Variants in VEZT observed in about 807,000 individuals in gnomAD.
The protein encoded by VEZT is vezatin.
A neutral mutation model predicts 79.9 loss-of-function variants in VEZT; 39 were observed. The ratio of observed to expected loss-of-function variants is 0.49; its 90% CI spans 0.38 to 0.64. The LOEUF (loss-of-function observed/expected upper bound fraction) is 0.64. Among genes scored for constraint, VEZT ranks in the 30% least tolerant of loss-of-function variants. The probability of loss-of-function intolerance (pLI) is 0.00; values close to 1 mark genes in which losing one functional copy is unlikely to be tolerated. For missense variants in VEZT, 837 were observed against 893.1 expected, an observed-to-expected ratio of 0.94 and a Z score of 0.80; for synonymous variants, 325 against 327.6, an observed-to-expected ratio of 0.99 and a Z score of 0.09.
intron 9 of VEZT, chr12:95,294,012 C>G: frequency 2.8e-6 from 1 of 353,486 alleles, no homozygotes; most frequent in Non-Finnish European, 5.4e-6. Flanking sequence ...CCTCAGCCTC[C>G]CAAGTAGCTG....
At chr12:95,267,721 C>T (rs76187104) in intron 5 of VEZT, among the ~76,000 whole-genome samples, 3,499 of 152,280 alleles carry the variant, frequency 0.023, 59 homozygotes, top group Non-Finnish European at 0.037. Flanking sequence ...TCTTTCTTCT[C>T]AATCAAAGTA....
At chr12:95,254,378 ACT>A (rs1320414124) in intron 2 of VEZT, among the ~76,000 whole-genome samples, 1 of 116,602 alleles carries the variant, frequency 8.6e-6, no homozygotes, top group Non-Finnish European at 1.6e-5. Flanking sequence ...ACGGAGTCTC[ACT>A]CTGTCGCCCA....
chr12:95,260,932 G>C lies in VEZT; in HGVS notation c.259-1974G>C, dbSNP rs575030199. Among the ~76,000 whole-genome samples the C allele has an allele frequency of 4.7e-5, 7 of 150,372 alleles. No individual in the cohort carries two copies. In the East Asian group the frequency reaches 9.7e-4, roughly 21 times the overall value. On this transcript the variant is annotated intron_variant, in intron 3 of 11. Coordinates refer to ENST00000436874, the MANE Select transcript of VEZT (RefSeq NM_017599.4). ...TGTTAGAATCAGAATTGTGGGAAGA[G>C]AGAAGAGGCAGTTGTTCAAATATGA... is the stretch of plus-strand genomic sequence containing the variant.
chr12:95,235,144 T>A (rs1197856398), intron 1 of VEZT, among the ~76,000 whole-genome samples: 2 of 152,070 alleles, frequency 1.3e-5, no homozygotes, highest in South Asian at 4.2e-4. Context: ...GCCATTGTCA[T>A]CATGGCCCGT....
intron 10 of VEZT, 135 bp from the exon 11 acceptor site, chr12:95,295,916 G>A: frequency 1.6e-6 from 1 of 642,384 alleles, no homozygotes; most frequent in Non-Finnish European, 2.5e-6. Flanking sequence ...TCTTTTCCTA[G>A]CTCTGCTTTA....
chr12:95,288,832 T>A (rs1047396614), intron 9 of VEZT, among the ~76,000 whole-genome samples: 2 of 152,184 alleles, frequency 1.3e-5, no homozygotes, highest in Non-Finnish European at 2.9e-5. Context: ...CAAATACTTA[T>A]GCATATTAAA....
intron 1 of VEZT, among the ~76,000 whole-genome samples, chr12:95,231,723 T>C (rs1447824748): frequency 6.6e-6 from 1 of 152,228 alleles, no homozygotes; most frequent in Non-Finnish European, 1.5e-5. Flanking sequence ...TTTCCTATTA[T>C]TTTATATCTT....
intron 6 of VEZT, among the ~76,000 whole-genome samples, chr12:95,273,453 A>G (rs2067036608): frequency 6.6e-6 from 1 of 152,242 alleles, no homozygotes; most frequent in Non-Finnish European, 1.5e-5. Context: ...GGTAAATGGA[A>G]TTGCCTTTGC....
chr12:95,260,707 AG>A (rs2064290382), intron 3 of VEZT, among the ~76,000 whole-genome samples: 1 of 152,228 alleles, frequency 6.6e-6, no homozygotes, highest in African/African-American at 2.4e-5. Context: ...TTGTAGCAAA[AG>A]TTTGATTTTT....
At chr12:95,300,128 G>A in intron 11 of VEZT, 37 bp from the exon 12 acceptor site, 1 of 1,278,926 alleles carries the variant, frequency 7.8e-7, no homozygotes, top group Non-Finnish European at 1.0e-6. Flanking sequence ...TAGGTCCTTA[G>A]TTATTTTTTT....
At chr12:95,238,815 A>G (rs2060514028) in intron 1 of VEZT, among the ~76,000 whole-genome samples, 1 of 152,168 alleles carries the variant, frequency 6.6e-6, no homozygotes, top group Non-Finnish European at 1.5e-5. Flanking sequence ...ACTTAAACAC[A>G]TTTATTAAAT....
At chr12:95,244,903 A>T (rs2061522472) in intron 1 of VEZT, among the ~76,000 whole-genome samples, 1 of 152,048 alleles carries the variant, frequency 6.6e-6, no homozygotes, top group African/African-American at 2.4e-5. Context: ...GTAGCATAAG[A>T]TGACATTTGG....
intron 2 of VEZT, chr12:95,256,728 A>G: frequency 2.0e-6 from 1 of 512,438 alleles, no homozygotes; most frequent in South Asian, 2.0e-5. Flanking sequence ...TGTGGAATGA[A>G]ATGGTCTTAA....
At chr12:95,226,594 G>C (rs986258828) in intron 1 of VEZT, among the ~76,000 whole-genome samples, 2 of 151,974 alleles carry the variant, frequency 1.3e-5, no homozygotes, top group African/African-American at 4.8e-5. Context: ...GAGGTATCTT[G>C]TTTTAATTTC....
At chr12:95,244,103 A>G (rs1369526212) in intron 1 of VEZT, 3 of 405,574 alleles carry the variant, frequency 7.4e-6, no homozygotes, top group Non-Finnish European at 1.4e-5. Context: ...TTCCTTTTTC[A>G]AGATAACTCT....
intron 1 of VEZT, among the ~76,000 whole-genome samples, chr12:95,223,918 C>A (rs1466016603): frequency 6.6e-6 from 1 of 151,986 alleles, no homozygotes; most frequent in Non-Finnish European, 1.5e-5. Context: ...GAGTTAAAAA[C>A]CTAAATGCCC....
chr12:95,246,889 G>A (rs61937958), intron 1 of VEZT, among the ~76,000 whole-genome samples: 3,760 of 152,152 alleles, frequency 0.025, 86 homozygotes, highest in South Asian at 0.09. Flanking sequence ...AGTCATAATA[G>A]AGACAACTAC....
intron 1 of VEZT, among the ~76,000 whole-genome samples, chr12:95,233,358 A>G (rs1209963951): frequency 6.6e-6 from 1 of 151,970 alleles, no homozygotes; most frequent in East Asian, 1.9e-4. Context: ...GTACCACTGT[A>G]ATCACTTTCG....
intron 1 of VEZT, among the ~76,000 whole-genome samples, chr12:95,236,205 G>C (rs1427155465): frequency 2.0e-5 from 3 of 152,184 alleles, no homozygotes; most frequent in Non-Finnish European, 2.9e-5. Flanking sequence ...CGGATCACTC[G>C]CGGTTAGGAG....
Sources: gnomAD v4.1 joint callset for allele counts (sites outside exome capture counted in the v4.1 genomes callset) on GRCh38, gnomAD v4.1.1 for gene constraint, MANE v1.5 for transcripts, NCBI Gene and HGNC (gene_info 2026-07-23, HGNC 2026-07-21) for gene names.